Variants in FSTL5 observed in about 807,000 individuals in gnomAD.
The protein encoded by FSTL5 is follistatin-related protein 5.
In FSTL5, 62 loss-of-function variants were observed where a neutral mutation model predicts 89.1. The observed-to-expected ratio is 0.70, with a 90% CI of 0.57 to 0.86. FSTL5 has a LOEUF of 0.86. Ranked by LOEUF, FSTL5 falls within the 40% of genes least tolerant of loss-of-function variation. The pLI, the probability that FSTL5 is intolerant of heterozygous loss-of-function variation, is 0.00. For missense variants in FSTL5, 1,057 were observed against 1,001.6 expected, an observed-to-expected ratio of 1.06 and a Z score of -0.75; for synonymous variants, 383 against 346.2, an observed-to-expected ratio of 1.11 and a Z score of -1.18.
intron 2 of FSTL5, among the ~76,000 whole-genome samples, chr4:162,034,087 T>C (rs6832585): frequency 1 from 151,854 of 152,196 alleles, 75,756 homozygotes; most frequent in Non-Finnish European, 1. Context: ...GAGGAGTGAG[T>C]CCCCATCCCT....
rs74527317 is a variant in FSTL5, at chr4:161,413,773, C to A, written c.1842-27324G>T. ...TACAATGAAATCATGTCCTTTGCAG[C>A]AACATAGATGTAGCTGGAGGCCATA... On this transcript the variant is annotated intron_variant, in intron 15 of 15. Transcript: ENST00000306100. Among the ~76,000 whole-genome samples, 487 of 152,262 alleles carry A rather than the reference C, an allele frequency of 3.2e-3. 3 individuals are homozygous for A. Among genetic ancestry groups the A allele is most frequent in the African/African-American group, 0.011 (472 of 41,554 alleles).
At chr4:162,046,975 A>G (rs1738206356) in intron 2 of FSTL5, among the ~76,000 whole-genome samples, 1 of 152,182 alleles carries the variant, frequency 6.6e-6, no homozygotes. Context: ...ATCTAGTAAT[A>G]TAAATTTTAG....
intron 12 of FSTL5, among the ~76,000 whole-genome samples, chr4:161,486,445 A>T (rs1729681350): frequency 6.6e-6 from 1 of 152,216 alleles, no homozygotes; most frequent in African/African-American, 2.4e-5. Context: ...TCATTAAATA[A>T]AGGCATGTAA....
chr4:162,069,076 G>A (rs1579002486), intron 2 of FSTL5, among the ~76,000 whole-genome samples: 1 of 151,942 alleles, frequency 6.6e-6, no homozygotes, highest in African/African-American at 2.4e-5. Flanking sequence ...AAAAATAGGA[G>A]TGCTTTTACA....
At chr4:161,488,945 G>A (rs996843968) in intron 12 of FSTL5, among the ~76,000 whole-genome samples, 2 of 152,086 alleles carry the variant, frequency 1.3e-5, no homozygotes, top group African/African-American at 4.8e-5. Flanking sequence ...CCGTGACTGA[G>A]CAAATCACTT....
At chr4:161,807,105 G>T (rs1434678742) in intron 4 of FSTL5, among the ~76,000 whole-genome samples, 1 of 72,092 alleles carries the variant, frequency 1.4e-5, no homozygotes, top group Non-Finnish European at 3.3e-5. Context: ...TCTGGATACA[G>T]GTTGGTCATT....
At chr4:162,075,518 A>G (rs1211915037) in intron 2 of FSTL5, among the ~76,000 whole-genome samples, 2 of 151,832 alleles carry the variant, frequency 1.3e-5, no homozygotes, top group Non-Finnish European at 2.9e-5. Context: ...ATCAATGTTC[A>G]TGAGTATGAG....
At chr4:161,892,392 G>T (rs1212758394) in intron 4 of FSTL5, among the ~76,000 whole-genome samples, 1 of 151,948 alleles carries the variant, frequency 6.6e-6, no homozygotes, top group Non-Finnish European at 1.5e-5. Flanking sequence ...TCTATTAGTT[G>T]TAGTTTCAAT....
chr4:161,773,157 A>G (rs1314615629), intron 5 of FSTL5, among the ~76,000 whole-genome samples: 2 of 152,172 alleles, frequency 1.3e-5, no homozygotes, highest in African/African-American at 4.8e-5. Flanking sequence ...GAAGAATGAA[A>G]CTGGATCCTC....
At chr4:162,100,583 G>C (rs1226223046) in intron 2 of FSTL5, among the ~76,000 whole-genome samples, 1 of 152,064 alleles carries the variant, frequency 6.6e-6, no homozygotes, top group African/African-American at 2.4e-5. Flanking sequence ...ATACTATAGT[G>C]GTGGATACAT....
At chr4:161,572,308 A>G (rs2126587090) in intron 8 of FSTL5, among the ~76,000 whole-genome samples, 1 of 124,200 alleles carries the variant, frequency 8.1e-6, no homozygotes, top group African/African-American at 3.1e-5. Context: ...TGATAGAGTG[A>G]GACTCCGTCT....
intron 8 of FSTL5, among the ~76,000 whole-genome samples, chr4:161,575,490 T>G (rs912556821): frequency 6.6e-6 from 1 of 152,118 alleles, no homozygotes; most frequent in African/African-American, 2.4e-5. Context: ...AGTCTCACTC[T>G]GTTGCCCAGG....
intron 10 of FSTL5, among the ~76,000 whole-genome samples, chr4:161,528,684 T>C (rs1370323482): frequency 7.0e-6 from 1 of 143,478 alleles, no homozygotes; most frequent in Non-Finnish European, 1.5e-5. Flanking sequence ...TCTGACCGAA[T>C]TCCTGCAACA....
At chr4:162,060,251 A>C (rs559670273) in intron 2 of FSTL5, among the ~76,000 whole-genome samples, 3 of 152,238 alleles carry the variant, frequency 2.0e-5, no homozygotes, top group Non-Finnish European at 2.9e-5. Context: ...TATTATTGTA[A>C]AATTTTAGAA....
intron 15 of FSTL5, among the ~76,000 whole-genome samples, chr4:161,451,596 G>A (rs975592603): frequency 3.3e-5 from 5 of 152,186 alleles, no homozygotes; most frequent in Admixed American, 2.6e-4. Context: ...GAAGTAAGTT[G>A]GTTAAGGTCA....
At chr4:162,051,079 C>T (rs1738363407) in intron 2 of FSTL5, among the ~76,000 whole-genome samples, 1 of 151,256 alleles carries the variant, frequency 6.6e-6, no homozygotes, top group African/African-American at 2.4e-5. Flanking sequence ...AACAAAAGGA[C>T]AAAAATGTAT....
At chr4:162,136,998 T>C (rs1050350502) in intron 1 of FSTL5, among the ~76,000 whole-genome samples, 5 of 152,044 alleles carry the variant, frequency 3.3e-5, no homozygotes, top group African/African-American at 9.7e-5. Flanking sequence ...CTGTTATAAA[T>C]ATATGCAGGC....
rs192094951 is a variant in FSTL5, at chr4:161,943,586, C to T, written c.161-22934G>A. Among the ~76,000 whole-genome samples, 16 of 96,620 alleles carry T rather than the reference C, an allele frequency of 1.7e-4. No homozygotes were observed. In the East Asian group the frequency reaches 3.7e-3, roughly 22 times the overall value. 63.4% of individuals were successfully genotyped at this position (96,620 alleles called of 152,430 possible). ...TTTTTTTTTTTTTTTGAGGTGGAGT[C>T]TTGCTGTCGCTCAGGCTGGAGTGCA... On this transcript the variant is annotated intron_variant, in intron 3 of 15. Coordinates refer to ENST00000306100, the MANE Select transcript of FSTL5 (RefSeq NM_020116.5).
At chr4:161,787,951 A>G (rs187575480) in intron 4 of FSTL5, among the ~76,000 whole-genome samples, 28 of 152,182 alleles carry the variant, frequency 1.8e-4, no homozygotes, top group Non-Finnish European at 3.7e-4. Context: ...TTATGAATAT[A>G]TTTAAGAAAA....
Sources: allele counts gnomAD v4.1 joint callset (sites outside exome capture counted in the v4.1 genomes callset), GRCh38; gene constraint gnomAD v4.1.1; transcripts MANE v1.5; gene names NCBI Gene and HGNC (gene_info 2026-07-23, HGNC 2026-07-21).